The following MAP4 variants were observed in gnomAD, a reference collection of about 807,000 sequenced individuals.
MAP4 encodes the protein microtubule associated protein 4.
Under a neutral mutation model 170.2 loss-of-function variants are expected in MAP4, and 76 were observed. That is an observed-to-expected ratio of 0.45 (90% CI 0.37 to 0.54). The LOEUF (loss-of-function observed/expected upper bound fraction) is 0.54. Ranked by LOEUF, MAP4 falls within the 20% of genes least tolerant of loss-of-function variation. MAP4 has a pLI of 0.00. For missense variants in MAP4, 2,506 were observed against 2,748.0 expected, an observed-to-expected ratio of 0.91 and a Z score of 1.97; for synonymous variants, 909 against 994.5, an observed-to-expected ratio of 0.91 and a Z score of 1.62.
At chr3:47,863,871 C>G (rs1306468027) in intron 17 of MAP4, among the ~76,000 whole-genome samples, 1 of 147,982 alleles carries the variant, frequency 6.8e-6, no homozygotes, top group Non-Finnish European at 1.5e-5. Context: ...TTTGGAGCCT[C>G]TCATCCCTGT....
chr3:47,884,684 G>A (rs1466048184), intron 10 of MAP4, among the ~76,000 whole-genome samples: 1 of 152,122 alleles, frequency 6.6e-6, no homozygotes, highest in Non-Finnish European at 1.5e-5. Context: ...ATAGAATAGA[G>A]AGCTTCCTCT....
rs1210672296 is a variant in MAP4 at position 47,912,182 on chromosome 3, A to G, written c.2239T>C (p.Ser747Pro). ...CCAAGATCCCTCTGGGGTTCAAGTG[A>G]GTCAACATGAATACTTTTTCTTTGG... ...GNQRKSIHVD[S>P]LEPQRDLGRE... Residue 747 changes from serine (S) to proline (P), a missense_variant, in exon 9 of 21, where the codon TCA becomes CCA. Around this residue, in one of 3 missense-constraint regions of MAP4, gnomAD observed 2,008 missense variants for 2,206.0 expected, o/e 0.91. Transcript: ENST00000683076. 1 of 1,536,124 alleles carries G rather than the reference A, an allele frequency of 6.5e-7. No homozygotes were observed. The highest frequency in any genetic ancestry group is 2.0e-5 in the Admixed American group (1 of 51,004).
chr3:48,050,918 A>G (rs1426727374), intron 1 of MAP4, among the ~76,000 whole-genome samples: 1 of 152,020 alleles, frequency 6.6e-6, no homozygotes, highest in African/African-American at 2.4e-5. Flanking sequence ...AAAAAAAAAA[A>G]AGGCAGAAAG....
At chr3:47,894,703 G>C (rs1171461679) in intron 10 of MAP4, among the ~76,000 whole-genome samples, 2 of 152,028 alleles carry the variant, frequency 1.3e-5, no homozygotes, top group Non-Finnish European at 2.9e-5. Flanking sequence ...ATATAATTAA[G>C]TATGTACAAT....
chr3:47,992,967 A>G (rs1169678048), intron 2 of MAP4, among the ~76,000 whole-genome samples: 3 of 152,074 alleles, frequency 2.0e-5, no homozygotes, highest in African/African-American at 7.2e-5. Context: ...TCTAGTTTGA[A>G]GCACTAAAAA....
chr3:48,074,609 C>G (rs909578655), intron 1 of MAP4, among the ~76,000 whole-genome samples: 1 of 141,250 alleles, frequency 7.1e-6, no homozygotes, highest in Non-Finnish European at 1.5e-5. Flanking sequence ...CTGAAGGGAT[C>G]CTCCCACCTT....
intron 1 of MAP4, among the ~76,000 whole-genome samples, chr3:48,004,275 G>C (rs531651425): frequency 6.6e-6 from 1 of 152,168 alleles, no homozygotes; most frequent in Non-Finnish European, 1.5e-5. Context: ...TAATAGCATG[G>C]AGAACATTCA....
At chr3:47,988,509 T>C (rs1210362891) in intron 2 of MAP4, among the ~76,000 whole-genome samples, 2 of 152,106 alleles carry the variant, frequency 1.3e-5, no homozygotes, top group Non-Finnish European at 2.9e-5. Flanking sequence ...AATTTATGAA[T>C]ATGACTTATG....
Position 47,852,637 on chromosome 3 carries a change from G to T in MAP4, c.*297C>A. On this transcript the variant is annotated 3_prime_UTR_variant, in exon 21 of 21. Coordinates refer to ENST00000683076, the MANE Select transcript of MAP4 (RefSeq NM_001385682.1). ...TCCCAACCTCCTCCACGGAGCAGTG[G>T]CGCAGTGATGGGGCAAGACCAAAGC... is the stretch of plus-strand genomic sequence containing the variant. The T allele has an allele frequency of 9.5e-7, 1 of 1,050,884 alleles. No homozygotes were observed. Among genetic ancestry groups the T allele is most frequent in the Non-Finnish European group, 1.3e-6 (1 of 748,058 alleles). The allele number at this position is 1,050,884 out of a possible 1,614,324, so 65.1% of individuals were successfully genotyped here.
At chr3:47,860,650 C>A (rs1245142053) in intron 17 of MAP4, among the ~76,000 whole-genome samples, 1 of 152,106 alleles carries the variant, frequency 6.6e-6, no homozygotes, top group Non-Finnish European at 1.5e-5. Flanking sequence ...ATTAGTCTTA[C>A]CACGGCATAT....
At chr3:47,921,658 T>A in intron 5 of MAP4, 107 bp downstream of exon 5, 1 of 651,038 alleles carries the variant, frequency 1.5e-6, no homozygotes. Context: ...TGGTCTCTTT[T>A]TTCTTGTTAA....
chr3:47,941,187 A>T (rs1299339798), intron 3 of MAP4, among the ~76,000 whole-genome samples: 2 of 143,326 alleles, frequency 1.4e-5, no homozygotes, highest in Admixed American at 1.5e-4. Context: ...ATTTGAGATC[A>T]GCCTGGGCAA....
Position 47,910,605 on chromosome 3 carries a change from G to C in MAP4, c.3816C>G (p.Phe1272Leu). The change falls in exon 9 of 21, where the codon TTC becomes TTG. Residue 1272 changes from phenylalanine (F) to leucine (L), a missense_variant. By Grantham distance (22) the Phe-to-Leu change is conservative. Around this residue, in one of 3 missense-constraint regions of MAP4, gnomAD observed 2,008 missense variants for 2,206.0 expected, o/e 0.91. Transcript: ENST00000683076. Reference protein sequence around the residue: ...FTFPKMHDSSFSHTPDTPTVE... With the variant: ...FTFPKMHDSSLSHTPDTPTVE... ...CTGTGGGTGTATCTGGTGTATGTGA[G>C]AACGAAGAATCATGCATTTTGGGGA... 2 of 1,536,042 alleles carry C rather than the reference G, an allele frequency of 1.3e-6. No homozygotes were observed. Among genetic ancestry groups the C allele is most frequent in the South Asian group, 2.4e-5 (2 of 84,048 alleles).
chr3:48,003,193 A>G (rs530072931), intron 1 of MAP4, among the ~76,000 whole-genome samples: 1 of 152,116 alleles, frequency 6.6e-6, no homozygotes, highest in East Asian at 1.9e-4. Flanking sequence ...AATGGCTCAC[A>G]CCTGTAATCC....
intron 1 of MAP4, among the ~76,000 whole-genome samples, chr3:48,024,107 C>G (rs1016058242): frequency 4.6e-5 from 7 of 152,098 alleles, no homozygotes; most frequent in African/African-American, 1.7e-4. Context: ...GTCAAGAGAT[C>G]GAGACCATCC....
At chr3:47,883,259 T>C (rs2097075581) in intron 10 of MAP4, among the ~76,000 whole-genome samples, 1 of 152,184 alleles carries the variant, frequency 6.6e-6, no homozygotes, top group South Asian at 2.1e-4. Flanking sequence ...GACCAAGTTT[T>C]GCTCTTGTTG....
intron 3 of MAP4, among the ~76,000 whole-genome samples, chr3:47,938,743 C>T (rs1425620412): frequency 6.6e-6 from 1 of 152,046 alleles, no homozygotes; most frequent in Non-Finnish European, 1.5e-5. Flanking sequence ...TTGGGACAGC[C>T]CTTTCATCTC....
intron 3 of MAP4, among the ~76,000 whole-genome samples, chr3:47,970,833 CA>C (rs552563882): frequency 4.0e-5 from 6 of 150,674 alleles, no homozygotes; most frequent in Admixed American, 2.0e-4. Context: ...CAAAAACAAA[CA>C]AAAAAAAATC....
chr3:48,071,932 T>C (rs2100141220), intron 1 of MAP4, among the ~76,000 whole-genome samples: 1 of 149,578 alleles, frequency 6.7e-6, no homozygotes, highest in African/African-American at 2.5e-5. Flanking sequence ...AATAAATAAA[T>C]TAATGAGGCC....
Sources: allele counts gnomAD v4.1 joint callset (sites outside exome capture counted in the v4.1 genomes callset), GRCh38; gene constraint gnomAD v4.1.1; regional missense constraint gnomAD v4.1.1; transcripts MANE v1.5; gene names NCBI Gene and HGNC (gene_info 2026-07-23, HGNC 2026-07-21).